Variants in PKP4 observed in about 807,000 individuals in gnomAD.
The protein encoded by PKP4 is plakophilin-4.
Under a neutral mutation model 145.1 loss-of-function variants are expected in PKP4, and 90 were observed. The observed-to-expected ratio is 0.62, with a 90% confidence interval of 0.52 to 0.74. PKP4 has a LOEUF of 0.74. Ranked by LOEUF, PKP4 falls within the 30% of genes least tolerant of loss-of-function variation. The probability of loss-of-function intolerance (pLI) is 0.00; values close to 1 mark genes in which losing one functional copy is unlikely to be tolerated. For missense variants in PKP4, 1,340 were observed against 1,482.7 expected, an observed-to-expected ratio of 0.90 and a Z score of 1.58; for synonymous variants, 563 against 577.2, an observed-to-expected ratio of 0.98 and a Z score of 0.35.
chr2:158,582,996 A>G (rs1354495027), intron 3 of PKP4, among the ~76,000 whole-genome samples: 1 of 152,176 alleles, frequency 6.6e-6, no homozygotes, highest in African/African-American at 2.4e-5. Flanking sequence ...GTCATTGTGC[A>G]GGTGCATAGT....
chr2:158,661,966 T>C (rs1247978449), intron 13 of PKP4, among the ~76,000 whole-genome samples: 3 of 152,150 alleles, frequency 2.0e-5, no homozygotes, highest in Non-Finnish European at 4.4e-5. Context: ...CTCTCCCTCC[T>C]GTGCCCGAGT....
intron 4 of PKP4, among the ~76,000 whole-genome samples, chr2:158,609,023 G>T (rs1482756160): frequency 6.6e-6 from 1 of 151,138 alleles, no homozygotes; most frequent in Non-Finnish European, 1.5e-5. Flanking sequence ...TGACATATTG[G>T]CCAGGCTGGT....
chr2:158,635,127 T>C (rs531217037), intron 9 of PKP4, among the ~76,000 whole-genome samples: 1 of 152,200 alleles, frequency 6.6e-6, no homozygotes, highest in Non-Finnish European at 1.5e-5. Context: ...ACTGGAAAAT[T>C]GTTATAATTA....
Position 158,527,327 on chromosome 2 carries a change from C to T in PKP4, c.-5-5853C>T, listed in dbSNP as rs1358708711. Among the ~76,000 whole-genome samples, 347 of 143,558 alleles carry T rather than the reference C, an allele frequency of 2.4e-3. 1 individual carries two copies. Among genetic ancestry groups the T allele is most frequent in the African/African-American group, 8.1e-3 (310 of 38,194 alleles). 94.2% of individuals were successfully genotyped at this position (143,558 alleles called of 152,430 possible). ...AACAGAACAGAGCCCTCAGAAATAA[C>T]GCTGCATACCTACAACTATCTGATC... On this transcript the variant is annotated intron_variant, in intron 1 of 21. Coordinates refer to ENST00000389759, the MANE Select transcript of PKP4 (RefSeq NM_003628.6).
chr2:158,647,502 C>A (rs971360493), intron 11 of PKP4, among the ~76,000 whole-genome samples: 4 of 152,094 alleles, frequency 2.6e-5, no homozygotes, highest in African/African-American at 4.8e-5. Flanking sequence ...TATAAAGATG[C>A]CTTGCCTTTG....
intron 1 of PKP4, among the ~76,000 whole-genome samples, chr2:158,458,655 G>C (rs745939845): frequency 1.3e-5 from 2 of 152,170 alleles, no homozygotes; most frequent in Non-Finnish European, 2.9e-5. Flanking sequence ...CATGTACTGC[G>C]AGAGAGATCT....
chr2:158,482,318 C>A (rs945380585), intron 1 of PKP4, among the ~76,000 whole-genome samples: 1 of 152,120 alleles, frequency 6.6e-6, no homozygotes, highest in Non-Finnish European at 1.5e-5. Context: ...TCTTTCCCTT[C>A]CTTCCTTCCT....
chr2:158,507,072 A>G (rs1327283229), intron 1 of PKP4, among the ~76,000 whole-genome samples: 1 of 152,252 alleles, frequency 6.6e-6, no homozygotes, highest in East Asian at 1.9e-4. Flanking sequence ...CCATCCAGCC[A>G]CTGACTATTT....
rs138685918 is a variant in PKP4 at position 158,609,565 on chromosome 2, T to G, written c.280+6461T>G. Among the ~76,000 whole-genome samples, 71 of 152,332 alleles carry G rather than the reference T, an allele frequency of 4.7e-4. 1 individual carries two copies. Among genetic ancestry groups the G allele is most frequent in the African/African-American group, 1.6e-3 (68 of 41,580 alleles). On this transcript the variant is annotated intron_variant, in intron 4 of 21. Coordinates refer to ENST00000389759, the MANE Select transcript of PKP4 (RefSeq NM_003628.6). ...ATTTGACTTGAAAAGCTTAGCTCTT[T>G]AAAAGCCTTTCAGCAATAGGTGGAT... is the stretch of plus-strand genomic sequence containing the variant.
intron 3 of PKP4, among the ~76,000 whole-genome samples, chr2:158,580,422 C>G (rs529645616): frequency 1.3e-5 from 2 of 152,176 alleles, no homozygotes; most frequent in African/African-American, 4.8e-5. Flanking sequence ...TGCACAAATG[C>G]ATATATGGCC....
At chr2:158,593,351 A>G (rs1048206693) in intron 3 of PKP4, among the ~76,000 whole-genome samples, 3 of 152,164 alleles carry the variant, frequency 2.0e-5, no homozygotes, top group Non-Finnish European at 4.4e-5. Context: ...GAAATATTAG[A>G]AAACCTTCCT....
chr2:158,661,628 A>C, intron 13 of PKP4, 178 bp downstream of exon 13: 1 of 512,862 alleles, frequency 1.9e-6, no homozygotes, highest in Non-Finnish European at 3.6e-6. Context: ...GCAACTTAAG[A>C]AAATATCCTG....
chr2:158,616,599 T>C (rs1339148835), intron 4 of PKP4, among the ~76,000 whole-genome samples: 1 of 152,170 alleles, frequency 6.6e-6, no homozygotes, highest in Non-Finnish European at 1.5e-5. Context: ...GTGCTATTGC[T>C]GTCCCAAGAG....
intron 4 of PKP4, among the ~76,000 whole-genome samples, chr2:158,606,528 A>G (rs933530398): frequency 2.0e-5 from 3 of 152,170 alleles, no homozygotes; most frequent in African/African-American, 7.2e-5. Flanking sequence ...TTCTAAATGT[A>G]ATATATACTC....
At chr2:158,503,717 G>T (rs1696908857) in intron 1 of PKP4, among the ~76,000 whole-genome samples, 1 of 152,076 alleles carries the variant, frequency 6.6e-6, no homozygotes, top group Non-Finnish European at 1.5e-5. Context: ...CACCCAAACT[G>T]CCTTTTTGTC....
At chr2:158,640,517 A>C in intron 9 of PKP4, 110 bp from the exon 10 acceptor site, 5 of 1,171,490 alleles carry the variant, frequency 4.3e-6, no homozygotes, top group South Asian at 1.5e-5. Context: ...GATTTTTGTA[A>C]CTTCCCATTT....
At chr2:158,652,838 G>A (rs1056414017) in intron 11 of PKP4, among the ~76,000 whole-genome samples, 6 of 152,174 alleles carry the variant, frequency 3.9e-5, no homozygotes, top group Non-Finnish European at 7.3e-5. Context: ...TACTGGGAAT[G>A]GAGTGGGGGT....
At chr2:158,472,553 C>CA (rs1206556059) in intron 1 of PKP4, among the ~76,000 whole-genome samples, 2 of 134,410 alleles carry the variant, frequency 1.5e-5, no homozygotes, top group Non-Finnish European at 3.0e-5. Flanking sequence ...GTGGAGCTTG[C>CA]AGTGAGCAGA....
intron 2 of PKP4, among the ~76,000 whole-genome samples, chr2:158,561,786 A>C (rs2046539311): frequency 6.8e-6 from 1 of 146,474 alleles, no homozygotes; most frequent in Non-Finnish European, 1.5e-5. Context: ...TGTATAATCA[A>C]GTCAGTCTTT....
Sources: allele counts gnomAD v4.1 joint callset (sites outside exome capture counted in the v4.1 genomes callset), GRCh38; gene constraint gnomAD v4.1.1; transcripts MANE v1.5; gene names NCBI Gene and HGNC (gene_info 2026-07-23, HGNC 2026-07-21).